The following VAV2 variants were observed in gnomAD, a reference collection of about 807,000 sequenced individuals.
The protein encoded by VAV2 is guanine nucleotide exchange factor VAV2.
A neutral mutation model predicts 132.5 loss-of-function variants in VAV2; 67 were observed. That is an observed-to-expected ratio of 0.51 (90% CI 0.42 to 0.62). The LOEUF (loss-of-function observed/expected upper bound fraction) is 0.62. VAV2 is among the 20% of genes least tolerant of loss of function. The pLI is 0.00. For missense variants in VAV2, 938 were observed against 1,153.6 expected (o/e 0.81, Z 2.71); for synonymous variants, 492 against 443.5 (o/e 1.11, Z -1.37).
intron 9 of VAV2, among the ~76,000 whole-genome samples, chr9:133,803,931 A>G (rs1246643225): frequency 6.7e-6 from 1 of 150,204 alleles, no homozygotes; most frequent in African/African-American, 2.5e-5. Flanking sequence ...GCCTCGCCCC[A>G]CCCCTGCAGG....
At chr9:133,766,770 A>ATATATG in intron 29 of VAV2, among the ~76,000 whole-genome samples, 1 of 144,316 alleles carries the variant, frequency 6.9e-6, no homozygotes, top group Admixed American at 6.9e-5. Context: ...ATATATATAT[A>ATATATG]TATATATATA....
chr9:133,868,169 C>A (rs1837881031), intron 2 of VAV2, among the ~76,000 whole-genome samples: 2 of 152,248 alleles, frequency 1.3e-5, no homozygotes, highest in Non-Finnish European at 2.9e-5. Context: ...CCATGCTTCT[C>A]GATCTGAAGT....
chr9:133,888,955 G>C (rs915173983), intron 2 of VAV2, among the ~76,000 whole-genome samples: 1 of 152,188 alleles, frequency 6.6e-6, no homozygotes, highest in Non-Finnish European at 1.5e-5. Flanking sequence ...GAGACGACAC[G>C]AACAGCATGG....
chr9:133,803,775 T>C (rs886579099), intron 9 of VAV2, among the ~76,000 whole-genome samples: 1 of 152,176 alleles, frequency 6.6e-6, no homozygotes, highest in African/African-American at 2.4e-5. Context: ...AGCTTCCTCG[T>C]GCCCTCGCTT....
chr9:133,953,742 C>T (rs1004230046), intron 1 of VAV2, among the ~76,000 whole-genome samples: 1 of 152,136 alleles, frequency 6.6e-6, no homozygotes, highest in African/African-American at 2.4e-5. Context: ...AGGTTCAAAT[C>T]CTGAAGGTCC....
At chr9:133,795,977 C>G (rs1313995335) in intron 11 of VAV2, among the ~76,000 whole-genome samples, 1 of 152,246 alleles carries the variant, frequency 6.6e-6, no homozygotes, top group Non-Finnish European at 1.5e-5. Flanking sequence ...AAGGGAGTGA[C>G]CGTGAGAAGG....
Position 133,928,485 on chromosome 9 carries a change from T to C in VAV2, c.321+10618A>G, listed in dbSNP as rs750238120. On this transcript the variant is annotated intron_variant, in intron 2 of 29. Coordinates refer to ENST00000371850, the MANE Select transcript of VAV2 (RefSeq NM_001134398.2). This position sits in a 1 kb window ranked among gnomAD's most constrained non-coding sequence, Gnocchi z 5.4. ...ATGCTGCTACAAAGACTAGCACGTC[T>C]CACTGCCAGCATTAAGGCAGGGAGT... Among the ~76,000 whole-genome samples, 7 of 152,184 alleles carry C rather than the reference T, an allele frequency of 4.6e-5. No individual in the cohort carries two copies. The highest frequency in any genetic ancestry group is 1.0e-4 in the Non-Finnish European group (7 of 68,046).
intron 1 of VAV2, among the ~76,000 whole-genome samples, chr9:133,967,462 C>T (rs1034419105): frequency 1.3e-5 from 2 of 152,126 alleles, no homozygotes; most frequent in Non-Finnish European, 2.9e-5. Context: ...CCACCTTTAC[C>T]GTAGCACTAT....
At position 133,918,234 on chromosome 9, in the gene VAV2, T is replaced by C. The variant is rs1840169613; in HGVS notation, c.321+20869A>G. On this transcript the variant is annotated intron_variant, in intron 2 of 29. Transcript: ENST00000371850. This position sits in a 1 kb window ranked among gnomAD's most constrained non-coding sequence, Gnocchi z 4.7. ...GAAATGCTAAAGAGGACTCGGTGCC[T>C]CCAGCTCGGCTAGAAACTATTTTTA... 6.6e-6 allele frequency among the ~76,000 whole-genome samples: 1 copy of C among 152,198 alleles called. No individual in the cohort carries two copies. Among genetic ancestry groups the C allele is most frequent in the Admixed American group, 6.5e-5 (1 of 15,288 alleles).
intron 3 of VAV2, among the ~76,000 whole-genome samples, chr9:133,846,061 G>A (rs1269438858): frequency 6.6e-6 from 1 of 152,244 alleles, no homozygotes; most frequent in Non-Finnish European, 1.5e-5. Flanking sequence ...GGAAAGGGAA[G>A]GCCTCACAGG....
chr9:133,779,990 T>A (rs1191137813), intron 20 of VAV2, 51 bp from the exon 21 acceptor site: 1 of 1,609,068 alleles, frequency 6.2e-7, no homozygotes, highest in East Asian at 2.2e-5. Context: ...GCTCTTTGAC[T>A]GTGGCCCATG....
At chr9:133,789,217 T>C (rs1233098277) in intron 14 of VAV2, 41 bp downstream of exon 14, 2 of 1,608,510 alleles carry the variant, frequency 1.2e-6, no homozygotes, top group Admixed American at 1.7e-5. Flanking sequence ...AGCCAGACCC[T>C]GGCGGGACGC....
intron 2 of VAV2, among the ~76,000 whole-genome samples, chr9:133,902,099 T>C (rs1225019814): frequency 5.1e-5 from 7 of 136,774 alleles, no homozygotes; most frequent in South Asian, 2.5e-4. Context: ...GTCAGGACCA[T>C]GGAGATCACA....
chr9:133,910,773 G>A (rs561423305), intron 2 of VAV2, among the ~76,000 whole-genome samples: 4 of 145,858 alleles, frequency 2.7e-5, no homozygotes, highest in South Asian at 2.2e-4. Flanking sequence ...GCAGTGAGCC[G>A]AGATTGCACC....
chr9:133,873,107 C>T (rs1020350513), intron 2 of VAV2, among the ~76,000 whole-genome samples: 4 of 12,560 alleles, frequency 3.2e-4, no homozygotes, highest in East Asian at 9.1e-4. Flanking sequence ...AGGGAGGGGG[C>T]GGGGGGGTGG....
rs1347343718 is a variant in VAV2 at position 133,992,131 on chromosome 9, G to T, written c.148C>A (p.Leu50Ile). 3 of 1,595,156 alleles carry T rather than the reference G, an allele frequency of 1.9e-6. No individual in the cohort carries two copies. The highest frequency in any genetic ancestry group is 1.1e-5 in the South Asian group (1 of 89,164). Residue 50 changes from leucine to isoleucine, a missense_variant, in exon 1 of 30, where the codon CTC (leucine) becomes ATC (isoleucine). Coordinates refer to ENST00000371850, the MANE Select transcript of VAV2 (RefSeq NM_001134398.2). This position sits in a 1 kb window ranked among gnomAD's most constrained non-coding sequence, Gnocchi z 5.5. The part of the protein sequence containing the change: ...GVLLCQLLHN[L>I]SPGSIDLKDI... ...TTGAGGTCGATGGAGCCGGGGGAGA[G>T]GTTGTGCAGCAGCTGGCACAGAAGG...
chr9:133,769,525 C>A lies in VAV2; in HGVS notation c.2348-22G>T, dbSNP rs548057880. 6.2e-7 allele frequency: 1 copy of A among 1,602,884 alleles called. No individual in the cohort carries two copies. Among genetic ancestry groups the A allele is most frequent in the Non-Finnish European group, 8.5e-7 (1 of 1,174,670 alleles). On this transcript the variant is annotated intron_variant, in intron 27 of 29. Coordinates refer to ENST00000371850, the MANE Select transcript of VAV2 (RefSeq NM_001134398.2). This position sits in a 1 kb window ranked among gnomAD's most constrained non-coding sequence, Gnocchi z 8.1. ...GAAGCTGCAAAGAGGCGAGAGAGAA[C>A]GTGAGGCGGGCAGCAGGGCATCCAC...
chr9:133,950,785 G>A (rs1307361005), intron 1 of VAV2, among the ~76,000 whole-genome samples: 1 of 152,222 alleles, frequency 6.6e-6, no homozygotes, highest in East Asian at 1.9e-4. Context: ...AGCCATCTGT[G>A]AAACGGGCTC....
chr9:133,778,915 AGTGACTCAGCAGCTCACTCG>A, intron 21 of VAV2, 26 bp from the exon 22 acceptor site: 2 of 1,608,100 alleles, frequency 1.2e-6, no homozygotes, highest in Non-Finnish European at 1.7e-6. Context: ...CAGCTCACTC[AGTGACTCAGCAGCTCACTCG>A]GTGACTGACT....
Sources: gnomAD v4.1 joint callset for allele counts (sites outside exome capture counted in the v4.1 genomes callset) on GRCh38, gnomAD v4.1.1 for gene constraint, Gnocchi (gnomAD v3.1) non-coding constraint, MANE v1.5 for transcripts, NCBI Gene and HGNC (gene_info 2026-07-23, HGNC 2026-07-21) for gene names.